LRRC1: variants seen among roughly 807,000 people sequenced by gnomAD.
The protein encoded by LRRC1 is leucine rich repeat containing 1, also known as leucine-rich repeat-containing protein 1.
LRRC1 carries 28 observed loss-of-function variants against 69.9 expected under a neutral mutation model. The ratio of observed to expected loss-of-function variants is 0.40; its 90% CI spans 0.30 to 0.55. The LOEUF (loss-of-function observed/expected upper bound fraction) is 0.55. LRRC1 is among the 20% of genes least tolerant of loss of function. LRRC1 has a pLI of 0.47. For synonymous variants in LRRC1, 236 were observed against 240.2 expected (o/e 0.98, Z 0.16); for missense variants, 498 against 609.0 (o/e 0.82, Z 1.92).
At chr6:53,909,609 GAA>G (rs113333784) in intron 10 of LRRC1, among the ~76,000 whole-genome samples, 1 of 134,462 alleles carries the variant, frequency 7.4e-6, no homozygotes. Context: ...TTTATAATCA[GAA>G]AAAAAAAAAA....
intron 1 of LRRC1, among the ~76,000 whole-genome samples, chr6:53,804,031 G>A (rs1182295046): frequency 6.6e-6 from 1 of 152,204 alleles, no homozygotes; most frequent in African/African-American, 2.4e-5. Context: ...GGCTCTGACT[G>A]CTTGACTTGA....
At position 53,865,333 on chromosome 6, in the gene LRRC1, C is replaced by A. The variant is rs553663962; in HGVS notation, c.278-13660C>A. On this transcript the variant is annotated intron_variant, in intron 2 of 13. Transcript: ENST00000370888. Reference sequence around the variant, plus strand: ...AACCTAAGTGGGCTTACCTGTAGGTCACATCTTATATATTTTCTCCTTAAA... The same window carrying A: ...AACCTAAGTGGGCTTACCTGTAGGTAACATCTTATATATTTTCTCCTTAAA... Among the ~76,000 whole-genome samples, 259 of 152,154 alleles carry A rather than the reference C, an allele frequency of 1.7e-3. 11 individuals carry two copies. The South Asian group carries it at 0.052, about 30-fold the overall frequency.
chr6:53,851,668 A>T (rs1766141868), intron 2 of LRRC1, among the ~76,000 whole-genome samples: 1 of 152,146 alleles, frequency 6.6e-6, no homozygotes, highest in Non-Finnish European at 1.5e-5. Flanking sequence ...ATTAACATAT[A>T]AAAGTAACCA....
In LRRC1 at chr6:53,813,536, G is replaced by GTTTT. The variant is rs373976626; in HGVS notation, c.159+18131_159+18134dup. ...CCTGCTGTTACTGCCTGGCTCAGTG[G>GTTTT]TTTTTTTTTTTTTCTTTTTTTTTCT... On this transcript the variant is annotated intron_variant, in intron 1 of 13. Transcript: ENST00000370888. 2.6e-3 allele frequency among the ~76,000 whole-genome samples: 320 copies of GTTTT among 123,594 alleles called. 18 individuals carry two copies. Among genetic ancestry groups the GTTTT allele is most frequent in the East Asian group, 0.01 (35 of 3,482 alleles). 81.1% of individuals were successfully genotyped at this position (123,594 alleles called of 152,430 possible).
At chr6:53,913,757 G>A (rs912712017) in intron 10 of LRRC1, 97 bp from the exon 11 acceptor site, 9 of 653,690 alleles carry the variant, frequency 1.4e-5, no homozygotes, top group South Asian at 9.7e-5. Context: ...ATAAGTTTAT[G>A]CATCCTTTTT....
At chr6:53,798,864 T>C (rs1024462678) in intron 1 of LRRC1, among the ~76,000 whole-genome samples, 7 of 152,218 alleles carry the variant, frequency 4.6e-5, no homozygotes, top group Non-Finnish European at 7.3e-5. Context: ...GTCAGAATAT[T>C]CAAGTTGGAA....
chr6:53,899,934 G>A lies in LRRC1; in HGVS notation c.787+43G>A, dbSNP rs370436126. 2.8e-5 allele frequency: 44 copies of A among 1,578,578 alleles called. No individual in the cohort carries two copies. In the Admixed American group the frequency reaches 4.5e-4, roughly 16 times the overall value. ...CTAACTGCTAAACATACTGCCTGCC[G>A]TCGTCTTGAGGGTTTGGGGCACACT... On this transcript the variant is annotated intron_variant, in intron 8 of 13. Transcript: ENST00000370888.
chr6:53,809,167 T>A (rs981407078), intron 1 of LRRC1, among the ~76,000 whole-genome samples: 1 of 152,234 alleles, frequency 6.6e-6, no homozygotes, highest in Non-Finnish European at 1.5e-5. Context: ...TATTTTTTCC[T>A]GTTCTCAAAG....
At chr6:53,854,982 T>C (rs1226020909) in intron 2 of LRRC1, among the ~76,000 whole-genome samples, 1 of 137,542 alleles carries the variant, frequency 7.3e-6, no homozygotes, top group Non-Finnish European at 1.6e-5. Flanking sequence ...TGATGTGTGG[T>C]AGATAATCGA....
At chr6:53,890,162 C>T (rs984813659) in intron 4 of LRRC1, among the ~76,000 whole-genome samples, 3 of 152,118 alleles carry the variant, frequency 2.0e-5, no homozygotes, top group Admixed American at 6.6e-5. Context: ...TATCCTTTAC[C>T]GTTAAAGAAA....
chr6:53,882,595 A>G (rs1355047507), intron 3 of LRRC1, among the ~76,000 whole-genome samples: 2 of 152,084 alleles, frequency 1.3e-5, no homozygotes, highest in Admixed American at 1.3e-4. Context: ...TAGTCTCAAC[A>G]TTTTTTTGCC....
intron 2 of LRRC1, among the ~76,000 whole-genome samples, chr6:53,844,659 G>A (rs1038031384): frequency 6.6e-6 from 1 of 152,180 alleles, no homozygotes; most frequent in African/African-American, 2.4e-5. Flanking sequence ...TGTTGTTGTT[G>A]TTGTTGTTGT....
chr6:53,899,664 A>T, intron 7 of LRRC1, 83 bp from the exon 8 acceptor site: 1 of 1,390,400 alleles, frequency 7.2e-7, no homozygotes, highest in Non-Finnish European at 9.9e-7. Flanking sequence ...CCTGGGATTT[A>T]ATTGTGAAAA....
intron 11 of LRRC1, among the ~76,000 whole-genome samples, chr6:53,915,852 TATAG>T (rs1768547766): frequency 6.6e-6 from 1 of 152,172 alleles, no homozygotes; most frequent in Non-Finnish European, 1.5e-5. Flanking sequence ...AAAGTATCAG[TATAG>T]AAACTAATCT....
intron 2 of LRRC1, among the ~76,000 whole-genome samples, chr6:53,852,512 G>A (rs531008182): frequency 2.6e-5 from 4 of 152,292 alleles, no homozygotes; most frequent in South Asian, 4.2e-4. Context: ...CACTAATTCT[G>A]TGAGGTGTGG....
At chr6:53,831,784 G>A (rs950420586) in intron 1 of LRRC1, among the ~76,000 whole-genome samples, 4 of 152,160 alleles carry the variant, frequency 2.6e-5, no homozygotes, top group African/African-American at 9.7e-5. Flanking sequence ...CTATGTCAAT[G>A]CCTGAGTCTT....
At chr6:53,856,563 A>G (rs1766316335) in intron 2 of LRRC1, among the ~76,000 whole-genome samples, 1 of 152,220 alleles carries the variant, frequency 6.6e-6, no homozygotes, top group South Asian at 2.1e-4. Flanking sequence ...TTCTGGGCAG[A>G]TGAAATAACA....
intron 10 of LRRC1, chr6:53,904,740 C>CGGTG: frequency 5.2e-6 from 1 of 190,562 alleles, no homozygotes; most frequent in Non-Finnish European, 1.1e-5. Context: ...ATGGTGACAC[C>CGGTG]ATTGGCAGAA....
chr6:53,883,023 T>C lies in LRRC1; in HGVS notation c.446+47T>C, dbSNP rs747650678. 5 of 1,178,164 alleles carry C rather than the reference T, an allele frequency of 4.2e-6. No individual in the cohort carries two copies. In the African/African-American group the frequency reaches 7.6e-5, roughly 18 times the overall value. The allele number at this position is 1,178,164 out of a possible 1,614,324, so 73.0% of individuals were successfully genotyped here. A position where few individuals can be genotyped will look rare whatever the true frequency, so the allele number is the denominator to read the frequency against. On this transcript the variant is annotated intron_variant, in intron 4 of 13. Transcript: ENST00000370888. ...GGGTGGATCAGGGTGAAAGGGGGTT[T>C]ATATCATCAGCTCTAGCCTCCTTCC... is the stretch of plus-strand genomic sequence containing the variant.
Sources: gnomAD v4.1 joint callset for allele counts (sites outside exome capture counted in the v4.1 genomes callset) on GRCh38, gnomAD v4.1.1 for gene constraint, MANE v1.5 for transcripts, NCBI Gene and HGNC (gene_info 2026-07-23, HGNC 2026-07-21) for gene names.